The following PAX1 variants were observed in gnomAD, a reference collection of about 807,000 sequenced individuals.
PAX1 encodes the protein paired box protein Pax-1.
In PAX1, 18 loss-of-function variants were observed where a neutral mutation model predicts 35.6. That is an observed-to-expected ratio of 0.50 (90% CI 0.35 to 0.75). PAX1 has a LOEUF of 0.75. Ranked by LOEUF, PAX1 falls within the 30% of genes least tolerant of loss-of-function variation. The pLI is 0.01. For synonymous variants in PAX1, 397 were observed against 305.2 expected (o/e 1.30, Z -3.14); for missense variants, 760 against 661.5 (o/e 1.15, Z -1.63).
In PAX1 at chr20:21,709,248, C is replaced by A; in HGVS notation, c.1086C>A (p.Gly362=). 2 of 1,606,494 alleles carry A rather than the reference C, an allele frequency of 1.2e-6. No individual in the cohort carries two copies. The highest frequency in any genetic ancestry group is 1.7e-6 in the Non-Finnish European group (2 of 1,179,632). ...CGGCCTCCACCCTCTCTGCCGTGGG[C>A]GGCTTTCTCCCCGCCTGCGCCTACC... ...TQSASTLSAV[G]GFLPACAYPA... Residue 362 remains glycine (G), a synonymous_variant, in exon 4 of 5, where the codon GGC becomes GGA. Transcript: ENST00000613128.
chr20:21,708,353 G>C lies in PAX1; in HGVS notation c.917-205G>C, dbSNP rs1410233146. On this transcript the variant is annotated intron_variant, in intron 2 of 4. Coordinates refer to ENST00000613128, the MANE Select transcript of PAX1 (RefSeq NM_001257096.2). ...AAACCGGTTGAAGGCTAGGAGGACCGGGCAGCAGGCCTGGCTGCCTTTCCT... is the reference window on the plus strand; with the variant it reads ...AAACCGGTTGAAGGCTAGGAGGACCCGGCAGCAGGCCTGGCTGCCTTTCCT... 2.5e-5 allele frequency: 18 copies of C among 713,520 alleles called. 1 individual carries two copies. The highest frequency in any genetic ancestry group is 3.9e-5 in the Non-Finnish European group (15 of 387,974). 44.2% of individuals were successfully genotyped at this position (713,520 alleles called of 1,614,324 possible).
intron 4 of PAX1, among the ~76,000 whole-genome samples, chr20:21,713,128 C>T (rs1392087921): frequency 6.6e-6 from 1 of 152,182 alleles, no homozygotes; most frequent in Non-Finnish European, 1.5e-5. Context: ...AGTTCAGTTT[C>T]TTGCTTGTCT....
Position 21,714,919 on chromosome 20 carries a change from C to A in PAX1, c.*357C>A. 1 of 826,572 alleles carries A rather than the reference C, an allele frequency of 1.2e-6. No homozygotes were observed. The allele number at this position is 826,572 out of a possible 1,614,324, so 51.2% of individuals were successfully genotyped here. A position where few individuals can be genotyped will look rare whatever the true frequency, so the allele number is the denominator to read the frequency against. ...CTCCGTCTCGCCTCTCTCCCTGTTT[C>A]CTTCCCCCCTCTTTCTTTCTCACTC... On this transcript the variant is annotated 3_prime_UTR_variant, in exon 5 of 5. Coordinates refer to ENST00000613128, the MANE Select transcript of PAX1 (RefSeq NM_001257096.2).
chr20:21,706,767 T>C lies in PAX1; in HGVS notation c.616T>C (p.Cys206Arg). ...IRDRLLADGV[C>R]DKYNVPSVSS... ...CGACCGGCTGCTGGCCGACGGCGTCTGTGACAAGTACAATGTGCCTTCGGT... is the reference window on the plus strand; with the variant it reads ...CGACCGGCTGCTGGCCGACGGCGTCCGTGACAAGTACAATGTGCCTTCGGT... The change falls in exon 2 of 5, where the codon TGT becomes CGT. Residue 206 changes from cysteine (C) to arginine (R), a missense_variant. Coordinates refer to ENST00000613128, the MANE Select transcript of PAX1 (RefSeq NM_001257096.2). This position sits in a 1 kb window ranked among gnomAD's most constrained non-coding sequence, Gnocchi z 5.3. The C allele has an allele frequency of 6.2e-7, 1 of 1,613,450 alleles. No individual in the cohort carries two copies. Among genetic ancestry groups the C allele is most frequent in the Non-Finnish European group, 8.5e-7 (1 of 1,180,048 alleles).
At position 21,709,236 on chromosome 20, in the gene PAX1, C is replaced by T. The variant is rs756905147; in HGVS notation, c.1074C>T (p.Leu358=). 6.2e-7 allele frequency: 1 copy of T among 1,606,598 alleles called. No homozygotes were observed. The highest frequency in any genetic ancestry group is 1.7e-5 in the Admixed American group (1 of 60,014). The part of the protein sequence containing the change: ...DIKYTQSAST[L]SAVGGFLPAC... ...TATCCCCACAGTCGGCCTCCACCCT[C>T]TCTGCCGTGGGCGGCTTTCTCCCCG... is the stretch of plus-strand genomic sequence containing the variant. Residue 358 remains leucine, a synonymous_variant, in exon 4 of 5, where the codon CTC becomes CTT. Coordinates refer to ENST00000613128, the MANE Select transcript of PAX1 (RefSeq NM_001257096.2).
At chr20:21,713,771 A>G (rs952977424) in intron 4 of PAX1, among the ~76,000 whole-genome samples, 1 of 152,198 alleles carries the variant, frequency 6.6e-6, no homozygotes, top group Non-Finnish European at 1.5e-5. Flanking sequence ...CGATCTGGCA[A>G]TCCCACTGTC....
intron 4 of PAX1, among the ~76,000 whole-genome samples, chr20:21,711,610 A>G (rs1985200756): frequency 6.6e-6 from 1 of 152,226 alleles, no homozygotes; most frequent in African/African-American, 2.4e-5. Context: ...GTGGTCCTCC[A>G]ACTTCTTTAA....
chr20:21,714,822 C>A lies in PAX1; in HGVS notation c.*260C>A. 1.3e-6 allele frequency: 2 copies of A among 1,590,544 alleles called. No homozygotes were observed. Among genetic ancestry groups the A allele is most frequent in the Non-Finnish European group, 1.7e-6 (2 of 1,171,460 alleles). On this transcript the variant is annotated 3_prime_UTR_variant, in exon 5 of 5. Coordinates refer to ENST00000613128, the MANE Select transcript of PAX1 (RefSeq NM_001257096.2). Reference sequence around the variant, plus strand: ...GTTTTAGACTGCCGTACCCTCCTCACAATCCTTGCTCTGACGTGGCCTCCT... The same window carrying A: ...GTTTTAGACTGCCGTACCCTCCTCAAAATCCTTGCTCTGACGTGGCCTCCT...
chr20:21,706,076 C>G lies in PAX1; in HGVS notation c.286+78C>G. 1 of 1,228,638 alleles carries G rather than the reference C, an allele frequency of 8.1e-7. No individual in the cohort carries two copies. Among genetic ancestry groups the G allele is most frequent in the Non-Finnish European group, 1.1e-6 (1 of 899,152 alleles). The allele number at this position is 1,228,638 out of a possible 1,614,324, so 76.1% of individuals were successfully genotyped here. On this transcript the variant is annotated intron_variant, in intron 1 of 4. Transcript: ENST00000613128. The surrounding 1 kb of genome is among the most constrained non-coding windows in gnomAD (Gnocchi z 5.3). ...TCCGCCTGCCTCCCTTCCCTCTCGT[C>G]CGCTTTCCCTGGGCGACCCAGTCCT... is the stretch of plus-strand genomic sequence containing the variant.
At position 21,714,952 on chromosome 20, in the gene PAX1, C is replaced by T; in HGVS notation, c.*390C>T. 1.3e-6 allele frequency: 1 copy of T among 745,526 alleles called. No homozygotes were observed. The highest frequency in any genetic ancestry group is 2.3e-6 in the Non-Finnish European group (1 of 428,950). 46.2% of individuals were successfully genotyped at this position (745,526 alleles called of 1,614,324 possible). A position where few individuals can be genotyped will look rare whatever the true frequency, so the allele number is the denominator to read the frequency against. ...CCTCTTTCTTTCTCACTCTCCCTCCCTTCCCTTTCTCTTTCCCTTCCTCCC... is the reference window on the plus strand; with the variant it reads ...CCTCTTTCTTTCTCACTCTCCCTCCTTTCCCTTTCTCTTTCCCTTCCTCCC... On this transcript the variant is annotated 3_prime_UTR_variant, in exon 5 of 5. Coordinates refer to ENST00000613128, the MANE Select transcript of PAX1 (RefSeq NM_001257096.2).
chr20:21,714,129 C>G (rs17861054), intron 4 of PAX1, among the ~76,000 whole-genome samples: 2,097 of 152,352 alleles, frequency 0.014, 19 homozygotes, highest in Middle Eastern at 0.024. Flanking sequence ...TGAAACCTTC[C>G]CAGCCCTCTG....
intron 2 of PAX1, among the ~76,000 whole-genome samples, chr20:21,707,708 G>A (rs1985062951): frequency 6.6e-6 from 1 of 152,152 alleles, no homozygotes; most frequent in Non-Finnish European, 1.5e-5. Flanking sequence ...GCCTGGCTGG[G>A]AAAGAAACCA....
rs1984984169 is a variant in PAX1 at position 21,706,126 on chromosome 20, C to T, written c.286+128C>T. The T allele has an allele frequency of 2.4e-6, 2 of 845,982 alleles. No homozygotes were observed. The highest frequency in any genetic ancestry group is 1.9e-6 in the Non-Finnish European group (1 of 528,612). The allele number at this position is 845,982 out of a possible 1,614,324, so 52.4% of individuals were successfully genotyped here. On this transcript the variant is annotated intron_variant, in intron 1 of 4. Transcript: ENST00000613128. The surrounding 1 kb of genome is among the most constrained non-coding windows in gnomAD (Gnocchi z 5.3). The stretch of plus-strand genomic sequence containing the variant: ...TGGGTCCTGGAGAAGCTGCATTCTC[C>T]TCTGATCCCCAGCCTTCAGGGGGCA...
Position 21,706,502 on chromosome 20 carries a change from C to G in PAX1, c.351C>G (p.Asn117Lys). Residue 117 changes from asparagine to lysine, a missense_variant, in exon 2 of 5, where the codon AAC (asparagine) becomes AAG (lysine). Physicochemically the swap from Asn to Lys is moderately conservative, Grantham distance 94. Transcript: ENST00000613128. This position sits in a 1 kb window ranked among gnomAD's most constrained non-coding sequence, Gnocchi z 5.3. ...TCGTCAACGGCCGCCCCCTGCCCAA[C>G]GCCATCCGCTTGCGCATTGTGGAGC... ...GVFVNGRPLP[N>K]AIRLRIVELA... The G allele has an allele frequency of 6.2e-7, 1 of 1,612,278 alleles. No homozygotes were observed. The highest frequency in any genetic ancestry group is 8.5e-7 in the Non-Finnish European group (1 of 1,179,776).
In PAX1 at chr20:21,715,971, G is replaced by A. The variant is rs770710347; in HGVS notation, c.*1409G>A. 3.9e-5 allele frequency: 6 copies of A among 152,280 alleles called. No homozygotes were observed. The highest frequency in any genetic ancestry group is 1.2e-4 in the African/African-American group (5 of 41,448). 9.4% of individuals were successfully genotyped at this position (152,280 alleles called of 1,614,324 possible). Reference sequence around the variant, plus strand: ...TGGCTGCCTCTGAATAAAGGAAAGCGTCTGAAAGGTGTGTGGTGAGGTGAG... The same window carrying A: ...TGGCTGCCTCTGAATAAAGGAAAGCATCTGAAAGGTGTGTGGTGAGGTGAG... On this transcript the variant is annotated 3_prime_UTR_variant, in exon 5 of 5. Transcript: ENST00000613128.
At chr20:21,713,872 TC>T (rs1174835909) in intron 4 of PAX1, among the ~76,000 whole-genome samples, 1 of 152,232 alleles carries the variant, frequency 6.6e-6, no homozygotes, top group Non-Finnish European at 1.5e-5. Flanking sequence ...CACAACGTAG[TC>T]TGCCGCTCAC....
chr20:21,712,264 T>G (rs1407719786), intron 4 of PAX1, among the ~76,000 whole-genome samples: 1 of 152,248 alleles, frequency 6.6e-6, no homozygotes, highest in Non-Finnish European at 1.5e-5. Flanking sequence ...TAATTCATTT[T>G]TTTCTTATTT....
rs1264722415 is a variant in PAX1 at position 21,717,208 on chromosome 20, G to A, written c.*2646G>A. ...CATTCACTGAGGATAGGCAGCCTTC[G>A]TCCCAGAGCCAGCAGGCTCTGACAT... On this transcript the variant is annotated 3_prime_UTR_variant, in exon 5 of 5. Transcript: ENST00000613128. 5 of 152,212 alleles carry A rather than the reference G, an allele frequency of 3.3e-5. No individual in the cohort carries two copies. The highest frequency in any genetic ancestry group is 2.6e-4 in the Admixed American group (4 of 15,272). The allele number at this position is 152,212 out of a possible 1,614,324, so 9.4% of individuals were successfully genotyped here.
intron 3 of PAX1, 60 bp downstream of exon 3, chr20:21,708,760 TG>T: frequency 6.4e-7 from 1 of 1,572,574 alleles, no homozygotes; most frequent in Non-Finnish European, 8.7e-7. Flanking sequence ...TTTGGGCAAG[TG>T]GGGAAAAAGA....
Sources: allele counts gnomAD v4.1 joint callset (sites outside exome capture counted in the v4.1 genomes callset), GRCh38; gene constraint gnomAD v4.1.1; non-coding constraint Gnocchi (gnomAD v3.1); transcripts MANE v1.5; gene names NCBI Gene and HGNC (gene_info 2026-07-23, HGNC 2026-07-21).